The following H2BC26 variants were observed in gnomAD, a reference collection of about 807,000 sequenced individuals.
The protein encoded by H2BC26 is H2B clustered histone 26, also known as histone H2B type 3-B.
the H2BC26 span, chr1:228,458,280 C>G: frequency 1.2e-6 from 2 of 1,614,186 alleles, no homozygotes; most frequent in Non-Finnish European, 1.7e-6. Context: ...GCAGGTGCAC[C>G]CCGACACCGG....
At chr1:228,458,557 C>A in the H2BC26 span, 33 of 1,611,748 alleles carry the variant, frequency 2.0e-5, no homozygotes, top group East Asian at 7.4e-4. Context: ...CAGAGCCACC[C>A]ACACGATCAA....
the H2BC26 span, chr1:228,458,524 G>A: frequency 1.2e-6 from 2 of 1,613,954 alleles, no homozygotes; most frequent in African/African-American, 2.7e-5. Flanking sequence ...GTTCCTCGGC[G>A]TCCTGAACCC....
At chr1:228,458,357 C>T in the H2BC26 span, 9 of 1,614,240 alleles carry the variant, frequency 5.6e-6, no homozygotes, top group East Asian at 2.2e-5. Context: ...GCATCGCCAG[C>T]GAGGCCTCCC....
chr1:228,458,135 A>G, the H2BC26 span: 122 of 1,603,424 alleles, frequency 7.6e-5, 2 homozygotes, highest in East Asian at 2.6e-3. Context: ...CCATCATGCC[A>G]GACCCGTCCA....
chr1:228,458,257 A>G, the H2BC26 span: 6 of 1,614,230 alleles, frequency 3.7e-6, no homozygotes, highest in Admixed American at 3.3e-5. Context: ...ATCTACGTGT[A>G]CAAGGTGCTG....
chr1:228,458,301 A>G, the H2BC26 span: 2 of 1,614,230 alleles, frequency 1.2e-6, no homozygotes, highest in South Asian at 1.1e-5. Flanking sequence ...CATCTCGTCC[A>G]AGGCCATGGG....
chr1:228,458,258 C>T, the H2BC26 span: 240 of 1,614,214 alleles, frequency 1.5e-4, no homozygotes, highest in African/African-American at 2.8e-3. Flanking sequence ...TCTACGTGTA[C>T]AAGGTGCTGA....
chr1:228,458,197 A>T, the H2BC26 span: 1 of 1,614,096 alleles, frequency 6.2e-7, no homozygotes, highest in Non-Finnish European at 8.5e-7. Flanking sequence ...ACCAAGGCAC[A>T]GAAGAAGGAC....
chr1:228,458,192 G>A, the H2BC26 span: 1 of 1,614,118 alleles, frequency 6.2e-7, no homozygotes, highest in Non-Finnish European at 8.5e-7. Flanking sequence ...CTGTCACCAA[G>A]GCACAGAAGA....
chr1:228,458,389 G>C, the H2BC26 span: 1 of 1,614,160 alleles, frequency 6.2e-7, no homozygotes, highest in South Asian at 1.1e-5. Flanking sequence ...TACAACAAGC[G>C]CTCCACCATC....
chr1:228,458,530 A>G, the H2BC26 span: 1 of 1,614,076 alleles, frequency 6.2e-7, no homozygotes, highest in Non-Finnish European at 8.5e-7. Flanking sequence ...CGGCGTCCTG[A>G]ACCCAAAGGC....
At chr1:228,458,439 C>A in the H2BC26 span, 2 of 1,614,180 alleles carry the variant, frequency 1.2e-6, no homozygotes, top group Non-Finnish European at 1.7e-6. Flanking sequence ...CCTGCTGCTG[C>A]CCGGCGAGCT....
At chr1:228,458,186 C>G in the H2BC26 span, 1 of 1,614,000 alleles carries the variant, frequency 6.2e-7, no homozygotes, top group Non-Finnish European at 8.5e-7. Context: ...AAAAGGCTGT[C>G]ACCAAGGCAC....
At chr1:228,458,159 G>T in the H2BC26 span, 4 of 1,610,876 alleles carry the variant, frequency 2.5e-6, no homozygotes, top group Non-Finnish European at 3.4e-6. Context: ...CGGCTCCTGC[G>T]CCCAAGAAGG....
chr1:228,458,481 G>T, the H2BC26 span: 1 of 1,614,200 alleles, frequency 6.2e-7, no homozygotes, highest in Non-Finnish European at 8.5e-7. Context: ...GGGCACCAAG[G>T]CTGTCACCAA....
At chr1:228,458,107 C>G in the H2BC26 span, 2 of 1,557,500 alleles carry the variant, frequency 1.3e-6, no homozygotes, top group Non-Finnish European at 1.7e-6. Flanking sequence ...CCGCGCGTTT[C>G]TGTTTGGAGA....
At chr1:228,458,423 C>G in the H2BC26 span, 10 of 1,614,038 alleles carry the variant, frequency 6.2e-6, no homozygotes, top group Non-Finnish European at 8.5e-6. Flanking sequence ...TGCAGACGGC[C>G]GTTCGCCTGC....
the H2BC26 span, chr1:228,458,291 C>T: frequency 2.7e-4 from 428 of 1,614,224 alleles, 3 homozygotes; most frequent in South Asian, 4.1e-3. Flanking sequence ...CCGACACCGG[C>T]ATCTCGTCCA....
At chr1:228,458,555 C>G in the H2BC26 span, 1 of 1,612,216 alleles carries the variant, frequency 6.2e-7, no homozygotes, top group Non-Finnish European at 8.5e-7. Context: ...TTCAGAGCCA[C>G]CCACACGATC....
Sources: gnomAD v4.1 joint callset for allele counts on GRCh38, gnomAD v4.1.1 for gene constraint, MANE v1.5 for transcripts, NCBI Gene and HGNC (gene_info 2026-07-23, HGNC 2026-07-21) for gene names.